The following FBXO45 variants were observed in gnomAD, a reference collection of about 807,000 sequenced individuals.
FBXO45 encodes the protein F-box protein 45, also known as F-box/SPRY domain-containing protein 1.
FBXO45 carries 3 observed loss-of-function variants against 25.5 expected under a neutral mutation model. The observed-to-expected ratio is 0.12, with a 90% CI of 0.05 to 0.30. The LOEUF is 0.30. Ranked by LOEUF, FBXO45 falls within the 10% of genes least tolerant of loss-of-function variation. The probability of loss-of-function intolerance (pLI) is 1.00; values close to 1 mark genes in which losing one functional copy is unlikely to be tolerated. For synonymous variants in FBXO45, 155 were observed against 149.8 expected (o/e 1.03, Z -0.25); for missense variants, 219 against 365.0 (o/e 0.60, Z 3.26).
intron 1 of FBXO45, 31 bp from the exon 2 acceptor site, chr3:196,577,422 T>G: frequency 1.4e-6 from 2 of 1,424,492 alleles, no homozygotes; most frequent in Non-Finnish European, 1.9e-6. Context: ...ATAAAATTGT[T>G]ATTTATTTGG....
At chr3:196,571,525 C>G (rs1374129373) in intron 1 of FBXO45, among the ~76,000 whole-genome samples, 1 of 152,026 alleles carries the variant, frequency 6.6e-6, no homozygotes, top group Non-Finnish European at 1.5e-5. Context: ...TGCACCCAGC[C>G]TAAATTAGGA....
rs917452014 is a variant in FBXO45 at position 196,585,579 on chromosome 3, T to C, written c.*1261T>C. The C allele has an allele frequency of 6.6e-6, 1 of 152,208 alleles. No homozygotes were observed. The highest frequency in any genetic ancestry group is 1.5e-5 in the Non-Finnish European group (1 of 68,038). 9.4% of individuals were successfully genotyped at this position (152,208 alleles called of 1,614,324 possible). A position where few individuals can be genotyped will look rare whatever the true frequency, so the allele number is the denominator to read the frequency against. Reference sequence around the variant, plus strand: ...AACACCTTGTGCTGAAAACTTCAGGTTGGCAATATTTGAAGGTTTCGTTGT... The same window carrying C: ...AACACCTTGTGCTGAAAACTTCAGGCTGGCAATATTTGAAGGTTTCGTTGT... On this transcript the variant is annotated 3_prime_UTR_variant, in exon 3 of 3. Transcript: ENST00000311630.
chr3:196,578,381 A>T (rs926781486), intron 2 of FBXO45, among the ~76,000 whole-genome samples: 1 of 152,158 alleles, frequency 6.6e-6, no homozygotes, highest in African/African-American at 2.4e-5. Flanking sequence ...TAAATGATCT[A>T]TCTCAATATT....
intron 2 of FBXO45, among the ~76,000 whole-genome samples, chr3:196,578,046 C>CTTTTTTTTTTTT (rs775555553): frequency 9.7e-4 from 91 of 93,998 alleles, no homozygotes; most frequent in African/African-American, 1.8e-3. Flanking sequence ...GAAAAATATT[C>CTTTTTTTTTTTT]TTTTTTTTTT....
chr3:196,575,398 C>T (rs1279453045), intron 1 of FBXO45, among the ~76,000 whole-genome samples: 1 of 146,090 alleles, frequency 6.8e-6, no homozygotes, highest in Non-Finnish European at 1.5e-5. Flanking sequence ...GCAGAGGTTG[C>T]AGTGAGCTGA....
intron 1 of FBXO45, among the ~76,000 whole-genome samples, chr3:196,570,179 A>G (rs1204337707): frequency 2.0e-5 from 3 of 152,370 alleles, no homozygotes; most frequent in African/African-American, 7.2e-5. Flanking sequence ...CAGTCAATCA[A>G]GATCATATAT....
chr3:196,571,483 C>T (rs1735825825), intron 1 of FBXO45, among the ~76,000 whole-genome samples: 1 of 152,184 alleles, frequency 6.6e-6, no homozygotes, highest in African/African-American at 2.4e-5. Context: ...GCCTCAGCCT[C>T]CCAAAGTGCT....
rs1736111343 is a variant in FBXO45 at position 196,586,387 on chromosome 3, T to C, written c.*2069T>C. 6.6e-6 allele frequency: 1 copy of C among 152,224 alleles called. No homozygotes were observed. The highest frequency in any genetic ancestry group is 1.5e-5 in the Non-Finnish European group (1 of 68,044). The allele number at this position is 152,224 out of a possible 1,614,324, so 9.4% of individuals were successfully genotyped here. On this transcript the variant is annotated 3_prime_UTR_variant, in exon 3 of 3. Coordinates refer to ENST00000311630, the MANE Select transcript of FBXO45 (RefSeq NM_001105573.2). ...ACCGAAACACATGGTTATTGCGTAT[T>C]GGACCTAGAATGAAATAATTGCCTC... is the stretch of plus-strand genomic sequence containing the variant.
intron 1 of FBXO45, among the ~76,000 whole-genome samples, chr3:196,573,584 A>G (rs528400401): frequency 9.7e-4 from 147 of 152,306 alleles, no homozygotes; most frequent in Middle Eastern, 3.4e-3. Context: ...AACAATATAC[A>G]TAGGTAGACA....
intron 2 of FBXO45, among the ~76,000 whole-genome samples, chr3:196,578,043 A>ATTATTTTTTTTT (rs1196867210): frequency 4.0e-5 from 1 of 25,190 alleles, no homozygotes; most frequent in Non-Finnish European, 7.0e-5. Flanking sequence ...GCAGAAAAAT[A>ATTATTTTTTTTT]TTCTTTTTTT....
intron 1 of FBXO45, 40 bp from the exon 2 acceptor site, chr3:196,577,413 T>A: frequency 7.1e-7 from 1 of 1,409,824 alleles, no homozygotes; most frequent in South Asian, 1.5e-5. Context: ...TTAAGAAAAA[T>A]AAAATTGTTA....
intron 1 of FBXO45, among the ~76,000 whole-genome samples, chr3:196,576,217 C>T (rs1462236540): frequency 2.0e-5 from 3 of 152,168 alleles, no homozygotes; most frequent in Non-Finnish European, 4.4e-5. Flanking sequence ...GGGCCTCTTG[C>T]ACTAACTCGC....
chr3:196,580,446 G>A (rs1300945377), intron 2 of FBXO45, among the ~76,000 whole-genome samples: 2 of 151,902 alleles, frequency 1.3e-5, no homozygotes, highest in East Asian at 1.9e-4. Context: ...TCCTGACCTC[G>A]TGATCCGCCT....
At chr3:196,581,297 C>T (rs1057278581) in intron 2 of FBXO45, among the ~76,000 whole-genome samples, 17 of 116,634 alleles carry the variant, frequency 1.5e-4, no homozygotes, top group Non-Finnish European at 2.3e-4. Context: ...GTGGCACGAT[C>T]TGGGCTCACT....
Position 196,583,988 on chromosome 3 carries a change from C to G in FBXO45, c.676-145C>G. 5.4e-6 allele frequency: 4 copies of G among 745,928 alleles called. No homozygotes were observed. In the East Asian group the frequency reaches 1.1e-4, roughly 21 times the overall value. 46.2% of individuals were successfully genotyped at this position (745,928 alleles called of 1,614,324 possible). Reference sequence around the variant, plus strand: ...TGTCCTTTTTTTATAGATGTTTCTTCCTGACTAGAAAGCTTCCCTTCTGAT... The same window carrying G: ...TGTCCTTTTTTTATAGATGTTTCTTGCTGACTAGAAAGCTTCCCTTCTGAT... On this transcript the variant is annotated intron_variant, in intron 2 of 2. Transcript: ENST00000311630.
chr3:196,581,397 A>G (rs1014782151), intron 2 of FBXO45, among the ~76,000 whole-genome samples: 1 of 150,894 alleles, frequency 6.6e-6, no homozygotes, highest in African/African-American at 2.4e-5. Context: ...TGCCCAGCTA[A>G]TTTTTGTATT....
At chr3:196,578,139 C>T (rs148562390) in intron 2 of FBXO45, among the ~76,000 whole-genome samples, 2 of 149,620 alleles carry the variant, frequency 1.3e-5, no homozygotes, top group African/African-American at 4.9e-5. Context: ...CTCCCAGGTT[C>T]AAGCAATTCT....
chr3:196,580,151 C>G (rs1485848321), intron 2 of FBXO45, among the ~76,000 whole-genome samples: 3 of 151,886 alleles, frequency 2.0e-5, no homozygotes, highest in East Asian at 3.9e-4. Flanking sequence ...CGCCTCTAAA[C>G]CACGCCCGGC....
At position 196,588,733 on chromosome 3, in the gene FBXO45, A is replaced by G. The variant is rs1736182710; in HGVS notation, c.*4415A>G. The G allele has an allele frequency of 6.6e-6, 1 of 152,084 alleles. No individual in the cohort carries two copies. Among genetic ancestry groups the G allele is most frequent in the African/African-American group, 2.4e-5 (1 of 41,340 alleles). The allele number at this position is 152,084 out of a possible 1,614,324, so 9.4% of individuals were successfully genotyped here. ...AAGCCCAATAGGCAGGTGCTCACATATTTGCTGAAGGAACAGAGAAAGAAC... is the reference window on the plus strand; with the variant it reads ...AAGCCCAATAGGCAGGTGCTCACATGTTTGCTGAAGGAACAGAGAAAGAAC... On this transcript the variant is annotated 3_prime_UTR_variant, in exon 3 of 3. Transcript: ENST00000311630. This position sits in a 1 kb window ranked among gnomAD's most constrained non-coding sequence, Gnocchi z 4.2.
Sources: allele counts gnomAD v4.1 joint callset (sites outside exome capture counted in the v4.1 genomes callset), GRCh38; gene constraint gnomAD v4.1.1; non-coding constraint Gnocchi (gnomAD v3.1); transcripts MANE v1.5; gene names NCBI Gene and HGNC (gene_info 2026-07-23, HGNC 2026-07-21).